Variants in DGKB observed in about 807,000 individuals in gnomAD.
DGKB encodes diacylglycerol kinase beta.
DGKB carries 67 observed loss-of-function variants against 114.3 expected under a neutral mutation model. The observed-to-expected ratio is 0.59, with a 90% confidence interval of 0.48 to 0.72. The LOEUF (loss-of-function observed/expected upper bound fraction) is 0.72, where lower values mean the gene tolerates loss of function less well. Ranked by LOEUF, DGKB falls within the 30% of genes least tolerant of loss-of-function variation. The probability of loss-of-function intolerance (pLI) is 0.00; values close to 1 mark genes in which losing one functional copy is unlikely to be tolerated. For missense variants in DGKB, 907 were observed against 975.2 expected (o/e 0.93, Z 0.93); for synonymous variants, 398 against 323.1 (o/e 1.23, Z -2.49).
At chr7:14,937,004 G>A (rs1785302345) in intron 1 of DGKB, among the ~76,000 whole-genome samples, 1 of 139,452 alleles carries the variant, frequency 7.2e-6, no homozygotes, top group African/African-American at 2.7e-5. Flanking sequence ...ACCAGCTATT[G>A]ATGTGATTAT....
chr7:14,162,112 C>T (rs1439023749), intron 25 of DGKB, among the ~76,000 whole-genome samples: 2 of 152,034 alleles, frequency 1.3e-5, no homozygotes, highest in African/African-American at 4.8e-5. Flanking sequence ...GCCTTGTTTT[C>T]TAATTTTAAT....
intron 13 of DGKB, among the ~76,000 whole-genome samples, chr7:14,672,342 C>G (rs1819097079): frequency 6.6e-6 from 1 of 152,064 alleles, no homozygotes; most frequent in East Asian, 1.9e-4. Context: ...ATCTGCTTCT[C>G]TTCCTACCAA....
chr7:14,461,788 C>G (rs1218406641), intron 21 of DGKB, among the ~76,000 whole-genome samples: 1 of 152,066 alleles, frequency 6.6e-6, no homozygotes, highest in Non-Finnish European at 1.5e-5. Context: ...CAAAACCTGG[C>G]AGAGACACAA....
At chr7:14,460,590 C>T (rs561609372) in intron 21 of DGKB, among the ~76,000 whole-genome samples, 22 of 152,028 alleles carry the variant, frequency 1.4e-4, no homozygotes, top group Non-Finnish European at 2.2e-4. Context: ...TACAGGGGGA[C>T]GCAGATTCAT....
At chr7:14,862,241 T>C (rs1851086602) in intron 1 of DGKB, among the ~76,000 whole-genome samples, 1 of 152,026 alleles carries the variant, frequency 6.6e-6, no homozygotes, top group Middle Eastern at 3.4e-3. Flanking sequence ...ATGACCACAA[T>C]CAAATTAATT....
chr7:14,576,077 G>T (rs1799080218), intron 19 of DGKB, among the ~76,000 whole-genome samples: 1 of 152,098 alleles, frequency 6.6e-6, no homozygotes, highest in Non-Finnish European at 1.5e-5. Flanking sequence ...GGTACAATAA[G>T]TAACGATTAC....
intron 20 of DGKB, among the ~76,000 whole-genome samples, chr7:14,516,766 C>G (rs1440302353): frequency 6.6e-6 from 1 of 151,956 alleles, no homozygotes. Context: ...GATCAAGGAG[C>G]TTTTAGGCAG....
rs570547304 is a variant in DGKB, at chr7:14,494,148, C to G, written c.1771-15923G>C. Among the ~76,000 whole-genome samples the G allele has an allele frequency of 3.3e-5, 5 of 152,012 alleles. No individual in the cohort carries two copies. The South Asian group carries it at 1.0e-3, about 32-fold the overall frequency. On this transcript the variant is annotated intron_variant, in intron 20 of 25. Coordinates refer to ENST00000402815, the MANE Select transcript of DGKB (RefSeq NM_001350709.2). ...ATGAAAATGCTCTGCATATTAAATT[C>G]TTTTAAAGGCCCCCTTGTTCAGGAA... is the stretch of plus-strand genomic sequence containing the variant.
chr7:14,257,479 A>T (rs1584766539), intron 23 of DGKB, among the ~76,000 whole-genome samples: 1 of 152,220 alleles, frequency 6.6e-6, no homozygotes, highest in East Asian at 1.9e-4. Flanking sequence ...CTTGAATTGT[A>T]GTTCCCATAA....
chr7:14,503,850 T>C (rs1563342126), intron 20 of DGKB, among the ~76,000 whole-genome samples: 1 of 151,936 alleles, frequency 6.6e-6, no homozygotes, highest in Non-Finnish European at 1.5e-5. Flanking sequence ...CCAGAGAAGA[T>C]ATCAGGAGAG....
At chr7:14,706,270 C>T (rs1244645525) in intron 6 of DGKB, among the ~76,000 whole-genome samples, 34 of 146,788 alleles carry the variant, frequency 2.3e-4, no homozygotes, top group Admixed American at 5.5e-4. Context: ...AGCTAACTAT[C>T]CTAAATATAC....
At chr7:14,617,729 C>T (rs1233531644) in intron 15 of DGKB, among the ~76,000 whole-genome samples, 1 of 151,618 alleles carries the variant, frequency 6.6e-6, no homozygotes, top group African/African-American at 2.4e-5. Context: ...TCTTGCCCAC[C>T]CTACTCCAAC....
In DGKB at chr7:14,613,421, A is replaced by T; in HGVS notation, c.1285-8T>A. On this transcript the variant is annotated splice_region_variant and splice_polypyrimidine_tract_variant and intron_variant, in intron 15 of 25. Coordinates refer to ENST00000402815, the MANE Select transcript of DGKB (RefSeq NM_001350709.2). ...ACCAGGCACAGGAGTGACCTATAAG[A>T]AAAGTTATATACATGGAAAAATTAT... 6.6e-7 allele frequency: 1 copy of T among 1,518,558 alleles called. No homozygotes were observed. The highest frequency in any genetic ancestry group is 9.0e-7 in the Non-Finnish European group (1 of 1,115,388). The allele number at this position is 1,518,558 out of a possible 1,614,324, so 94.1% of individuals were successfully genotyped here. A position where few individuals can be genotyped will look rare whatever the true frequency, so the allele number is the denominator to read the frequency against.
intron 23 of DGKB, chr7:14,191,184 A>T (rs968419501): frequency 6.0e-6 from 1 of 166,666 alleles, no homozygotes; most frequent in African/African-American, 2.4e-5. Flanking sequence ...GTCTCCAGGA[A>T]TGAACAGACG....
At chr7:14,958,808 T>C (rs956471389) in intron 1 of DGKB, among the ~76,000 whole-genome samples, 1 of 152,060 alleles carries the variant, frequency 6.6e-6, no homozygotes, top group East Asian at 1.9e-4. Context: ...TGTCCCCACA[T>C]AGCGTGCTGG....
chr7:14,345,212 T>G, intron 22 of DGKB, 89 bp downstream of exon 22: 1 of 718,130 alleles, frequency 1.4e-6, no homozygotes, highest in South Asian at 1.8e-5. Context: ...TAATATATAT[T>G]TCATTCCATG....
chr7:14,550,581 G>C (rs957745830), intron 20 of DGKB, among the ~76,000 whole-genome samples: 2 of 152,020 alleles, frequency 1.3e-5, no homozygotes, highest in Non-Finnish European at 2.9e-5. Flanking sequence ...ATTTCTTTAT[G>C]TCACAAAACA....
intron 1 of DGKB, among the ~76,000 whole-genome samples, chr7:14,913,253 C>T (rs888261544): frequency 9.9e-5 from 15 of 151,866 alleles, no homozygotes; most frequent in African/African-American, 3.6e-4. Context: ...CCGCTCTGTT[C>T]TCTTCTCCTC....
chr7:14,606,513 T>G (rs1224530351), intron 17 of DGKB, among the ~76,000 whole-genome samples: 1 of 152,026 alleles, frequency 6.6e-6, no homozygotes. Flanking sequence ...TTATTCTGAG[T>G]TTTTAAAAGA....
Sources: allele counts gnomAD v4.1 joint callset (sites outside exome capture counted in the v4.1 genomes callset), GRCh38; gene constraint gnomAD v4.1.1; transcripts MANE v1.5; gene names NCBI Gene and HGNC (gene_info 2026-07-23, HGNC 2026-07-21).